The following DPYD variants were observed in gnomAD, a reference collection of about 807,000 sequenced individuals.
DPYD encodes the protein dihydropyrimidine dehydrogenase.
In DPYD, 109 loss-of-function variants were observed where a neutral mutation model predicts 116.2. The ratio of observed to expected loss-of-function variants is 0.94; its 90% CI spans 0.80 to 1.10. DPYD has a LOEUF of 1.10. DPYD is among the 50% of genes least tolerant of loss of function. The pLI is 0.00. For missense variants in DPYD, 1,302 were observed against 1,254.5 expected (o/e 1.04, Z -0.57); for synonymous variants, 440 against 432.0 (o/e 1.02, Z -0.23).
At chr1:97,641,125 C>T (rs1657870590) in intron 8 of DPYD, among the ~76,000 whole-genome samples, 1 of 152,126 alleles carries the variant, frequency 6.6e-6, no homozygotes, top group Admixed American at 6.6e-5. Flanking sequence ...CTCAGGCTTG[C>T]ATGGGGGAAC....
intron 16 of DPYD, among the ~76,000 whole-genome samples, chr1:97,370,902 C>T (rs1671280098): frequency 6.6e-6 from 1 of 152,100 alleles, no homozygotes; most frequent in African/African-American, 2.4e-5. Flanking sequence ...CTTTGTTTTG[C>T]AGGAATACAC....
chr1:97,846,778 C>A (rs1670322125), intron 2 of DPYD, among the ~76,000 whole-genome samples: 1 of 152,200 alleles, frequency 6.6e-6, no homozygotes. Flanking sequence ...GTCTTAAAAT[C>A]ATAGGAAAAC....
intron 18 of DPYD, among the ~76,000 whole-genome samples, chr1:97,281,285 T>C (rs1034383256): frequency 1.3e-4 from 19 of 151,390 alleles, no homozygotes; most frequent in Admixed American, 2.0e-4. Flanking sequence ...ATTTTCCACA[T>C]AGAAAAGAGC....
intron 1 of DPYD, among the ~76,000 whole-genome samples, chr1:97,913,597 G>T (rs945103362): frequency 1.3e-5 from 2 of 152,058 alleles, no homozygotes; most frequent in Non-Finnish European, 2.9e-5. Context: ...CTACTATTTT[G>T]CTGGCAATTT....
At position 97,735,545 on chromosome 1, in the gene DPYD, G is replaced by A. The variant is rs995109468; in HGVS notation, c.321+4847C>T. ...CAAAAAAAAAAAAAAAAAATTAGCC[G>A]GGCGTGGTGGCGGGTGCCTGTAGTC... On this transcript the variant is annotated intron_variant, in intron 4 of 22. Transcript: ENST00000370192. Among the ~76,000 whole-genome samples, 9 of 150,210 alleles carry A rather than the reference G, an allele frequency of 6.0e-5. No individual in the cohort carries two copies. In the South Asian group the frequency reaches 1.3e-3, roughly 21 times the overall value.
At position 97,358,922 on chromosome 1, in the gene DPYD, T is replaced by A. The variant is rs547480519; in HGVS notation, c.2058+14639A>T. ...CTCTTCTCCTACAAAGGATCACAGC[T>A]CCTCGGCAGCAACAGAAAAAAGCTG... On this transcript the variant is annotated intron_variant, in intron 16 of 22. Coordinates refer to ENST00000370192, the MANE Select transcript of DPYD (RefSeq NM_000110.4). Among the ~76,000 whole-genome samples the A allele has an allele frequency of 1.4e-4, 21 of 152,156 alleles. No homozygotes were observed. The South Asian group carries it at 4.1e-3, about 30-fold the overall frequency.
chr1:97,513,318 C>T lies in DPYD; in HGVS notation c.1740+2408G>A, dbSNP rs772280032. On this transcript the variant is annotated intron_variant, in intron 13 of 22. Coordinates refer to ENST00000370192, the MANE Select transcript of DPYD (RefSeq NM_000110.4). ...TTCAGCTGTCAATCCAGAAAAACAA[C>T]GAGGGAGCCACACTGTCAGTAGGAC... 1.1e-4 allele frequency among the ~76,000 whole-genome samples: 16 copies of T among 151,686 alleles called. 1 individual carries two copies. The highest frequency in any genetic ancestry group is 7.8e-4 in the East Asian group (4 of 5,158).
intron 18 of DPYD, among the ~76,000 whole-genome samples, chr1:97,268,218 G>T (rs1664355786): frequency 6.6e-6 from 1 of 152,134 alleles, no homozygotes; most frequent in Admixed American, 6.5e-5. Context: ...CCTGTTTATG[G>T]CTTTGATGGG....
chr1:97,231,965 G>A (rs907481938), intron 19 of DPYD, among the ~76,000 whole-genome samples: 4 of 152,128 alleles, frequency 2.6e-5, no homozygotes, highest in African/African-American at 9.7e-5. Flanking sequence ...ACTCAAGCCT[G>A]GATACTGTTA....
intron 20 of DPYD, among the ~76,000 whole-genome samples, chr1:97,119,038 C>T (rs918624354): frequency 1.3e-5 from 2 of 151,950 alleles, no homozygotes; most frequent in African/African-American, 2.4e-5. Context: ...AAGGTTCTTT[C>T]CTTCAGGTAT....
chr1:97,645,066 T>C (rs1033454373), intron 8 of DPYD, among the ~76,000 whole-genome samples: 3 of 152,162 alleles, frequency 2.0e-5, no homozygotes, highest in Admixed American at 6.5e-5. Context: ...TTTTAAAACT[T>C]ACAGTATTCT....
intron 8 of DPYD, among the ~76,000 whole-genome samples, chr1:97,669,078 T>A (rs541941056): frequency 6.6e-6 from 1 of 151,992 alleles, no homozygotes; most frequent in African/African-American, 2.4e-5. Context: ...TTCTGCCATG[T>A]AAGTTTGTGT....
chr1:97,163,839 T>C (rs1379441672), intron 20 of DPYD, among the ~76,000 whole-genome samples: 1 of 152,202 alleles, frequency 6.6e-6, no homozygotes, highest in African/African-American at 2.4e-5. Context: ...TTACAGGGGA[T>C]GTGGTCATTC....
chr1:97,176,803 G>T (rs1306463088), intron 20 of DPYD, among the ~76,000 whole-genome samples: 3 of 151,520 alleles, frequency 2.0e-5, no homozygotes, highest in African/African-American at 7.3e-5. Flanking sequence ...GGGGTCAAAT[G>T]ACCATACAAC....
chr1:97,082,304 C>A (rs2101557641), intron 22 of DPYD, 26 bp downstream of exon 22: 1 of 1,613,084 alleles, frequency 6.2e-7, no homozygotes, highest in Non-Finnish European at 8.5e-7. Context: ...TGTCTCATAG[C>A]ATTCTAATTC....
At chr1:97,903,870 G>T (rs189657479) in intron 1 of DPYD, among the ~76,000 whole-genome samples, 1 of 152,034 alleles carries the variant, frequency 6.6e-6, no homozygotes, top group African/African-American at 2.4e-5. Flanking sequence ...ATAAAAATTT[G>T]AATTTTACTA....
At chr1:97,405,060 C>G (rs1345168254) in intron 14 of DPYD, among the ~76,000 whole-genome samples, 2 of 151,466 alleles carry the variant, frequency 1.3e-5, no homozygotes, top group Non-Finnish European at 2.9e-5. Flanking sequence ...ATGATATGAG[C>G]ATCTTATAAT....
intron 3 of DPYD, among the ~76,000 whole-genome samples, chr1:97,775,860 G>A (rs1362065415): frequency 1.3e-5 from 2 of 152,092 alleles, no homozygotes; most frequent in Non-Finnish European, 2.9e-5. Context: ...GAATATTACT[G>A]AGTTTGTCTC....
At chr1:97,666,555 G>C (rs923489626) in intron 8 of DPYD, among the ~76,000 whole-genome samples, 1 of 151,900 alleles carries the variant, frequency 6.6e-6, no homozygotes, top group Non-Finnish European at 1.5e-5. Context: ...ACTTTAAAAG[G>C]ACAAAACACT....
Sources: allele counts gnomAD v4.1 joint callset (sites outside exome capture counted in the v4.1 genomes callset), GRCh38; gene constraint gnomAD v4.1.1; transcripts MANE v1.5; gene names NCBI Gene and HGNC (gene_info 2026-07-23, HGNC 2026-07-21).